The following ATG10 variants were observed in gnomAD, a reference collection of about 807,000 sequenced individuals.
ATG10 encodes autophagy related 10.
Under a neutral mutation model 32.1 loss-of-function variants are expected in ATG10, and 30 were observed. The ratio of observed to expected loss-of-function variants is 0.94; its 90% confidence interval spans 0.70 to 1.27. The LOEUF (loss-of-function observed/expected upper bound fraction) is 1.27, where lower values mean the gene tolerates loss of function less well. ATG10 is among the 50% of genes most tolerant of loss of function. The pLI, the probability that ATG10 is intolerant of heterozygous loss-of-function variation, is 0.00. For missense variants in ATG10, 233 were observed against 262.3 expected, an observed-to-expected ratio of 0.89 and a Z score of 0.77; for synonymous variants, 87 against 91.5, an observed-to-expected ratio of 0.95 and a Z score of 0.28.
intron 2 of ATG10, among the ~76,000 whole-genome samples, chr5:82,039,931 C>T (rs2149725997): frequency 6.6e-6 from 1 of 152,210 alleles, no homozygotes; most frequent in Non-Finnish European, 1.5e-5. Context: ...GTTTGGAGGG[C>T]CTAAGATGGC....
chr5:82,132,710 A>T (rs867530345), intron 3 of ATG10, among the ~76,000 whole-genome samples: 1 of 152,152 alleles, frequency 6.6e-6, no homozygotes, highest in South Asian at 2.1e-4. Context: ...TGCTGCAATA[A>T]ACATACGTGT....
intron 2 of ATG10, among the ~76,000 whole-genome samples, chr5:81,993,311 CTTTCTTTCTTTCT>C (rs1761519274): frequency 5.5e-5 from 1 of 18,046 alleles, no homozygotes; most frequent in African/African-American, 1.1e-4. Flanking sequence ...CCTTTCTTTC[CTTTCTTTCTTTCT>C]TTCCTTCCTT....
At chr5:82,031,899 T>C (rs1019150032) in intron 2 of ATG10, among the ~76,000 whole-genome samples, 1 of 152,236 alleles carries the variant, frequency 6.6e-6, no homozygotes, top group African/African-American at 2.4e-5. Context: ...GGCAACACTG[T>C]ATGGAAAGAA....
chr5:82,130,607 C>T (rs533663668), intron 3 of ATG10, among the ~76,000 whole-genome samples: 60 of 151,606 alleles, frequency 4.0e-4, no homozygotes, highest in Non-Finnish European at 6.0e-4. Context: ...GTGAGTTCCC[C>T]GACCCCTTGT....
At chr5:82,029,767 G>A (rs1211800146) in intron 2 of ATG10, among the ~76,000 whole-genome samples, 6 of 152,056 alleles carry the variant, frequency 3.9e-5, no homozygotes, top group Admixed American at 1.3e-4. Flanking sequence ...CTCACTCATG[G>A]GTATAGATCA....
intron 5 of ATG10, among the ~76,000 whole-genome samples, chr5:82,199,671 T>A (rs1353675164): frequency 6.6e-6 from 1 of 152,232 alleles, no homozygotes; most frequent in Non-Finnish European, 1.5e-5. Flanking sequence ...TTAAAAAATT[T>A]ACATACAGTA....
At chr5:82,124,498 G>C (rs369498439) in intron 3 of ATG10, among the ~76,000 whole-genome samples, 1 of 151,348 alleles carries the variant, frequency 6.6e-6, no homozygotes, top group Non-Finnish European at 1.5e-5. Context: ...CCCTCCCTGT[G>C]CCGTGCATTC....
chr5:82,041,728 A>T (rs1011938517), intron 2 of ATG10, among the ~76,000 whole-genome samples: 13 of 152,118 alleles, frequency 8.5e-5, no homozygotes, highest in Non-Finnish European at 1.3e-4. Flanking sequence ...AAGAAATGAT[A>T]CTTAGAACTC....
intron 5 of ATG10, among the ~76,000 whole-genome samples, chr5:82,224,869 G>A (rs543624465): frequency 1.7e-3 from 257 of 152,276 alleles, no homozygotes; most frequent in African/African-American, 5.9e-3. Context: ...GTCACAAGGG[G>A]AAGTTAGACC....
intron 4 of ATG10, among the ~76,000 whole-genome samples, chr5:82,176,942 A>G (rs1744054580): frequency 6.6e-6 from 1 of 152,216 alleles, no homozygotes; most frequent in Non-Finnish European, 1.5e-5. Flanking sequence ...GAAAAGTTCA[A>G]CTTTTTAGGT....
intron 5 of ATG10, among the ~76,000 whole-genome samples, chr5:82,241,843 GA>G (rs1050991366): frequency 1.3e-5 from 2 of 149,094 alleles, no homozygotes; most frequent in South Asian, 2.1e-4. Context: ...GATAAAAAAA[GA>G]AAAAAAAACC....
At chr5:81,989,870 G>A (rs950023823) in intron 2 of ATG10, among the ~76,000 whole-genome samples, 3 of 152,122 alleles carry the variant, frequency 2.0e-5, no homozygotes, top group Non-Finnish European at 4.4e-5. Flanking sequence ...GATCACAAGC[G>A]TGAGCCACTG....
At chr5:82,124,461 C>G (rs1367534464) in intron 3 of ATG10, among the ~76,000 whole-genome samples, 5 of 151,716 alleles carry the variant, frequency 3.3e-5, no homozygotes, top group African/African-American at 1.2e-4. Flanking sequence ...TCCCCCACCC[C>G]CAAACAGGAC....
At position 82,095,606 on chromosome 5, in the gene ATG10, T is replaced by C. The variant is rs562066438; in HGVS notation, c.216+37004T>C. Among the ~76,000 whole-genome samples the C allele has an allele frequency of 3.3e-5, 5 of 152,332 alleles. No individual in the cohort carries two copies. In the South Asian group the frequency reaches 1.0e-3, roughly 32 times the overall value. On this transcript the variant is annotated intron_variant, in intron 3 of 7. Coordinates refer to ENST00000282185, the MANE Select transcript of ATG10 (RefSeq NM_031482.5). The stretch of plus-strand genomic sequence containing the variant: ...CAATTAAGGGAATCACAGAGTATTT[T>C]GTTTCATTTAATTTTAACCGGGAGT...
intron 5 of ATG10, among the ~76,000 whole-genome samples, chr5:82,190,497 G>T (rs548382560): frequency 6.6e-6 from 1 of 152,004 alleles, no homozygotes; most frequent in South Asian, 2.1e-4. Context: ...TTCCGACCAG[G>T]CATGGTGGCT....
chr5:82,065,959 T>C (rs1411447073), intron 3 of ATG10, among the ~76,000 whole-genome samples: 1 of 151,832 alleles, frequency 6.6e-6, no homozygotes, highest in Non-Finnish European at 1.5e-5. Context: ...GAGACTAGAG[T>C]TGAGAAATAA....
At chr5:81,976,167 AT>A (rs34643030) in intron 1 of ATG10, 12,402 of 140,892 alleles carry the variant, frequency 0.088, 712 homozygotes, top group African/African-American at 0.18. Context: ...TGCCCGGCTA[AT>A]TTTTTTTTTT....
At chr5:82,002,709 G>A (rs1408908091) in intron 2 of ATG10, among the ~76,000 whole-genome samples, 1 of 151,976 alleles carries the variant, frequency 6.6e-6, no homozygotes, top group Admixed American at 6.6e-5. Context: ...TTATAACCTG[G>A]GTGATGAAAT....
chr5:82,108,002 G>A (rs1272737090), intron 3 of ATG10, among the ~76,000 whole-genome samples: 1 of 151,974 alleles, frequency 6.6e-6, no homozygotes, highest in Admixed American at 6.6e-5. Flanking sequence ...GATAGAACCT[G>A]GTTGATAGAG....
Sources: gnomAD v4.1 joint callset for allele counts (sites outside exome capture counted in the v4.1 genomes callset) on GRCh38, gnomAD v4.1.1 for gene constraint, MANE v1.5 for transcripts, NCBI Gene and HGNC (gene_info 2026-07-23, HGNC 2026-07-21) for gene names.